EBF1: variants seen among roughly 807,000 people sequenced by gnomAD.
EBF1 encodes transcription factor COE1.
Under a neutral mutation model 68.4 loss-of-function variants are expected in EBF1, and 10 were observed. That is an observed-to-expected ratio of 0.15 (90% CI 0.09 to 0.25). The LOEUF (loss-of-function observed/expected upper bound fraction) is 0.25. Ranked by LOEUF, EBF1 falls within the 10% of genes least tolerant of loss-of-function variation. The pLI is 1.00. For synonymous variants in EBF1, 298 were observed against 299.8 expected (o/e 0.99, Z 0.06); for missense variants, 509 against 794.4 (o/e 0.64, Z 4.32).
At chr5:158,989,492 G>T (rs76787786) in intron 6 of EBF1, among the ~76,000 whole-genome samples, 3,469 of 152,258 alleles carry the variant, frequency 0.023, 155 homozygotes, top group African/African-American at 0.079. Context: ...ACAGACATCA[G>T]TGTAATCCAC....
At chr5:158,815,299 T>C (rs1562007314) in intron 8 of EBF1, among the ~76,000 whole-genome samples, 1 of 152,196 alleles carries the variant, frequency 6.6e-6, no homozygotes, top group Non-Finnish European at 1.5e-5. Context: ...AGCACTGTTA[T>C]TAGGCAGACC....
At chr5:158,899,982 T>G (rs1275939532) in intron 6 of EBF1, among the ~76,000 whole-genome samples, 1 of 152,198 alleles carries the variant, frequency 6.6e-6, no homozygotes, top group Non-Finnish European at 1.5e-5. Flanking sequence ...CGAACCCAGA[T>G]GACAAGCTGG....
intron 6 of EBF1, chr5:158,986,770 T>C (rs999215934): frequency 1.3e-5 from 2 of 152,244 alleles, no homozygotes; most frequent in African/African-American, 4.8e-5. Flanking sequence ...GCCAGATTTA[T>C]ATAATCTTTG....
chr5:158,802,706 T>C (rs994045479), intron 8 of EBF1, among the ~76,000 whole-genome samples: 3 of 152,188 alleles, frequency 2.0e-5, no homozygotes, highest in African/African-American at 7.2e-5. Context: ...TAGCACCTAG[T>C]GCAACCTTGA....
At chr5:158,864,912 C>T (rs992428942) in intron 6 of EBF1, among the ~76,000 whole-genome samples, 1 of 152,154 alleles carries the variant, frequency 6.6e-6, no homozygotes, top group Non-Finnish European at 1.5e-5. Flanking sequence ...AGCAGCCCGT[C>T]ACTGGGAGAT....
At chr5:158,835,780 G>T (rs891944717) in intron 7 of EBF1, among the ~76,000 whole-genome samples, 2 of 152,078 alleles carry the variant, frequency 1.3e-5, no homozygotes, top group African/African-American at 2.4e-5. Context: ...TGGGTAAATT[G>T]CTTAACTGTT....
At chr5:158,978,560 G>C (rs1481749544) in intron 6 of EBF1, among the ~76,000 whole-genome samples, 1 of 151,992 alleles carries the variant, frequency 6.6e-6, no homozygotes, top group Non-Finnish European at 1.5e-5. Context: ...AAATTCCCTG[G>C]AAACTATTTG....
chr5:159,050,459 G>T (rs983170541), intron 6 of EBF1, among the ~76,000 whole-genome samples: 1 of 152,128 alleles, frequency 6.6e-6, no homozygotes, highest in Non-Finnish European at 1.5e-5. Flanking sequence ...GACAATGTAC[G>T]TGGTGTGGGT....
rs542306850 is a variant in EBF1 at position 158,862,472 on chromosome 5, A to C, written c.555-22362T>G. ...AATGCATTGAAACCCATGACAGTGT[A>C]GTCACCATCTTGGACTAGAAGTAAC... On this transcript the variant is annotated intron_variant, in intron 6 of 15. Transcript: ENST00000313708. 2.6e-5 allele frequency among the ~76,000 whole-genome samples: 4 copies of C among 152,326 alleles called. No individual in the cohort carries two copies. In the East Asian group the frequency reaches 7.7e-4, roughly 29 times the overall value.
At chr5:158,964,405 C>A (rs1328193251) in intron 6 of EBF1, among the ~76,000 whole-genome samples, 1 of 151,890 alleles carries the variant, frequency 6.6e-6, no homozygotes. Context: ...GACAGCAAAC[C>A]GAGTAGGGTT....
intron 6 of EBF1, among the ~76,000 whole-genome samples, chr5:159,039,017 T>C (rs1419538512): frequency 1.3e-5 from 2 of 152,164 alleles, no homozygotes; most frequent in Admixed American, 6.5e-5. Context: ...TTTAGAAAAT[T>C]GGAATTTAAC....
intron 6 of EBF1, among the ~76,000 whole-genome samples, chr5:159,045,875 A>T (rs1034583937): frequency 1.3e-5 from 2 of 152,166 alleles, no homozygotes; most frequent in Non-Finnish European, 2.9e-5. Context: ...TTCCCACCAC[A>T]AAAAGGACTG....
intron 11 of EBF1, among the ~76,000 whole-genome samples, chr5:158,716,971 A>T (rs917453427): frequency 6.6e-6 from 1 of 152,240 alleles, no homozygotes; most frequent in African/African-American, 2.4e-5. Flanking sequence ...AAATTGAAGT[A>T]GCTGACTTCA....
chr5:158,903,943 G>A (rs1803999103), intron 6 of EBF1, among the ~76,000 whole-genome samples: 1 of 152,122 alleles, frequency 6.6e-6, no homozygotes, highest in African/African-American at 2.4e-5. Context: ...GAGAAGTAGA[G>A]GCTCAGAGTA....
intron 6 of EBF1, among the ~76,000 whole-genome samples, chr5:158,887,075 C>T (rs574471698): frequency 2.3e-4 from 35 of 152,252 alleles, no homozygotes; most frequent in Admixed American, 7.2e-4. Context: ...TTCAAAGGCC[C>T]CAGTTTCAAA....
At chr5:158,778,856 G>A (rs1775837044) in intron 9 of EBF1, among the ~76,000 whole-genome samples, 1 of 152,160 alleles carries the variant, frequency 6.6e-6, no homozygotes, top group Non-Finnish European at 1.5e-5. Context: ...CTAAATGACT[G>A]TTGAGGTATG....
chr5:158,915,819 T>C (rs887928461), intron 6 of EBF1, among the ~76,000 whole-genome samples: 3 of 152,206 alleles, frequency 2.0e-5, no homozygotes, highest in Admixed American at 2.0e-4. Context: ...TTATCTTTTC[T>C]AGAAACGGAT....
At chr5:158,907,225 A>C (rs1804838314) in intron 6 of EBF1, among the ~76,000 whole-genome samples, 1 of 152,346 alleles carries the variant, frequency 6.6e-6, no homozygotes, top group East Asian at 1.9e-4. Context: ...CAGTGGAGCG[A>C]AGGTGACAAG....
At chr5:159,091,703 C>A (rs1781674641) in intron 4 of EBF1, among the ~76,000 whole-genome samples, 1 of 152,148 alleles carries the variant, frequency 6.6e-6, no homozygotes, top group Admixed American at 6.5e-5. Context: ...AATACACTTG[C>A]ATCAATACCT....
Sources: allele counts gnomAD v4.1 joint callset (sites outside exome capture counted in the v4.1 genomes callset), GRCh38; gene constraint gnomAD v4.1.1; transcripts MANE v1.5; gene names NCBI Gene and HGNC (gene_info 2026-07-23, HGNC 2026-07-21).